JAK1: variants seen among roughly 807,000 people sequenced by gnomAD.
The protein encoded by JAK1 is tyrosine-protein kinase JAK1.
A neutral mutation model predicts 136.6 loss-of-function variants in JAK1; 16 were observed. That is an observed-to-expected ratio of 0.12 (90% CI 0.08 to 0.18). The LOEUF is 0.18. Ranked by LOEUF, JAK1 falls within the 10% of genes least tolerant of loss-of-function variation. The pLI is 1.00. For synonymous variants in JAK1, 492 were observed against 519.5 expected, an observed-to-expected ratio of 0.95 and a Z score of 0.72; for missense variants, 859 against 1,450.1, an observed-to-expected ratio of 0.59 and a Z score of 6.62.
chr1:64,901,173 G>A (rs1159411363), intron 1 of JAK1, among the ~76,000 whole-genome samples: 1 of 152,164 alleles, frequency 6.6e-6, no homozygotes, highest in Non-Finnish European at 1.5e-5. Flanking sequence ...TTCAATAAAT[G>A]TCTGTGTAAG....
intron 2 of JAK1, among the ~76,000 whole-genome samples, chr1:64,983,265 A>G (rs1374327223): frequency 6.6e-6 from 1 of 152,206 alleles, no homozygotes; most frequent in East Asian, 1.9e-4. Flanking sequence ...ACACTGACTC[A>G]TACTATCTCA....
chr1:64,916,028 C>G (rs1218784261), intron 1 of JAK1, among the ~76,000 whole-genome samples: 1 of 152,182 alleles, frequency 6.6e-6, no homozygotes, highest in East Asian at 1.9e-4. Context: ...GACACAGAGG[C>G]TGGGAGTTCC....
At chr1:64,982,909 TC>T (rs1162682896) in intron 2 of JAK1, among the ~76,000 whole-genome samples, 4 of 152,140 alleles carry the variant, frequency 2.6e-5, no homozygotes, top group Admixed American at 2.6e-4. Context: ...TGCCTTACTG[TC>T]CACCCGCTGT....
chr1:64,931,270 T>C (rs1645686606), intron 1 of JAK1, among the ~76,000 whole-genome samples: 1 of 152,144 alleles, frequency 6.6e-6, no homozygotes, highest in South Asian at 2.1e-4. Context: ...CTTCACGTTC[T>C]AATATTCAGA....
intron 1 of JAK1, among the ~76,000 whole-genome samples, chr1:64,937,664 A>G (rs1645813195): frequency 6.6e-6 from 1 of 152,190 alleles, no homozygotes. Context: ...TTAGTCGATC[A>G]TAGAATGACA....
chr1:64,942,955 T>C (rs906799531), intron 1 of JAK1, among the ~76,000 whole-genome samples: 8 of 152,178 alleles, frequency 5.3e-5, no homozygotes, highest in African/African-American at 1.2e-4. Context: ...GCTGTCTATA[T>C]TTAATCATTA....
intron 4 of JAK1, among the ~76,000 whole-genome samples, chr1:64,874,348 C>A (rs1374919412): frequency 6.6e-6 from 1 of 151,464 alleles, no homozygotes; most frequent in South Asian, 2.1e-4. Flanking sequence ...AAAAAACTGA[C>A]GAACTGTGTA....
chr1:65,063,108 G>A (rs1647862864), intron 1 of JAK1, among the ~76,000 whole-genome samples: 1 of 152,234 alleles, frequency 6.6e-6, no homozygotes, highest in Non-Finnish European at 1.5e-5. Flanking sequence ...CAGCAGCCTT[G>A]TGGGCCCAAA....
At chr1:64,880,845 G>A (rs1466342595) in intron 3 of JAK1, among the ~76,000 whole-genome samples, 1 of 152,108 alleles carries the variant, frequency 6.6e-6, no homozygotes, top group Non-Finnish European at 1.5e-5. Context: ...TATTCGGGAG[G>A]CTAAGGCAGG....
In JAK1 at chr1:64,984,385, G is replaced by C. The variant is rs1299073413; in HGVS notation, c.-78+60095C>G. Among the ~76,000 whole-genome samples the C allele has an allele frequency of 6.6e-6, 1 of 152,188 alleles. No individual in the cohort carries two copies. Among genetic ancestry groups the C allele is most frequent in the Non-Finnish European group, 1.5e-5 (1 of 68,038 alleles). ...CCAAGTGGTCAATCCCTCCTGAAAT[G>C]AAGGGTAGGTTCACTTGGTCTCTCC... On this transcript the variant is annotated intron_variant, in intron 2 of 25. Coordinates refer to the JAK1 transcript ENST00000671954. This position sits in a 1 kb window ranked among gnomAD's most constrained non-coding sequence, Gnocchi z 4.1.
chr1:64,933,746 T>C (rs1056277706), intron 1 of JAK1, among the ~76,000 whole-genome samples: 57 of 152,302 alleles, frequency 3.7e-4, no homozygotes, highest in African/African-American at 1.3e-3. Context: ...AAAAGGGAAC[T>C]GTCTATTTCT....
intron 1 of JAK1, among the ~76,000 whole-genome samples, chr1:64,943,277 T>C (rs1645922955): frequency 6.6e-6 from 1 of 152,186 alleles, no homozygotes; most frequent in Admixed American, 6.5e-5. Context: ...CCCTGATTGG[T>C]GGTCAGGTGT....
intron 1 of JAK1, among the ~76,000 whole-genome samples, chr1:64,934,556 T>C (rs1315801043): frequency 6.6e-6 from 1 of 152,070 alleles, no homozygotes; most frequent in Non-Finnish European, 1.5e-5. Context: ...GAAGCTCGGG[T>C]TGTGGACCCA....
intron 2 of JAK1, among the ~76,000 whole-genome samples, chr1:64,998,667 G>A (rs1646725767): frequency 6.6e-6 from 1 of 152,098 alleles, no homozygotes; most frequent in Admixed American, 6.6e-5. Context: ...TAAATCATGG[G>A]GGCGGGTCTT....
chr1:65,028,481 AAGGG>A (rs55960932), intron 2 of JAK1, among the ~76,000 whole-genome samples: 8,668 of 122,064 alleles, frequency 0.071, 448 homozygotes, highest in Admixed American at 0.13. Context: ...GAAAGGAAGG[AAGGG>A]AGGGAGGGAG....
intron 5 of JAK1, among the ~76,000 whole-genome samples, chr1:64,872,940 T>G (rs572631519): frequency 6.6e-6 from 1 of 152,290 alleles, no homozygotes; most frequent in African/African-American, 2.4e-5. Flanking sequence ...TAGCGTCTAA[T>G]CTTTCTATCC....
chr1:64,841,130 C>T (rs941910992), intron 19 of JAK1, 115 bp downstream of exon 19: 2 of 775,890 alleles, frequency 2.6e-6, no homozygotes, highest in Non-Finnish European at 4.3e-6. Flanking sequence ...TGCTTTCGCT[C>T]ATGGACCTGG....
chr1:64,985,211 G>T (rs1646586983), intron 2 of JAK1: 9 of 1,585,132 alleles, frequency 5.7e-6, no homozygotes, highest in African/African-American at 1.3e-5. Flanking sequence ...CACCCTTAAA[G>T]ATTCCTGTTG....
At chr1:64,873,878 C>T (rs1410776000) in intron 4 of JAK1, among the ~76,000 whole-genome samples, 3 of 152,196 alleles carry the variant, frequency 2.0e-5, no homozygotes, top group Admixed American at 6.5e-5. Context: ...CTGCTAAGCC[C>T]ATTCTACCTC....
Sources: gnomAD v4.1 joint callset for allele counts (sites outside exome capture counted in the v4.1 genomes callset) on GRCh38, gnomAD v4.1.1 for gene constraint, Gnocchi (gnomAD v3.1) non-coding constraint, MANE v1.5 for transcripts, NCBI Gene and HGNC (gene_info 2026-07-23, HGNC 2026-07-21) for gene names.